Variants in PILRA observed in about 807,000 individuals in gnomAD.
PILRA encodes the protein paired immunoglobulin-like type 2 receptor alpha.
In PILRA, 37 loss-of-function variants were observed where a neutral mutation model predicts 33.1. The observed-to-expected ratio is 1.12, with a 90% CI of 0.86 to 1.47. The LOEUF (loss-of-function observed/expected upper bound fraction) is 1.47, where lower values mean the gene tolerates loss of function less well. Ranked by LOEUF, PILRA falls within the 40% of genes most tolerant of loss-of-function variation. The probability of loss-of-function intolerance (pLI) is 0.00; values close to 1 mark genes in which losing one functional copy is unlikely to be tolerated. For synonymous variants in PILRA, 146 were observed against 149.9 expected (o/e 0.97, Z 0.19); for missense variants, 312 against 376.2 (o/e 0.83, Z 1.41).
chr7:100,381,008 TGTAATCC>T (rs1345898102), intron 2 of PILRA, among the ~76,000 whole-genome samples: 1 of 150,924 alleles, frequency 6.6e-6, no homozygotes, highest in East Asian at 2.0e-4. Flanking sequence ...GGCTCACGCC[TGTAATCC>T]CAGCACTTTG....
chr7:100,379,215 C>T (rs1191210224), intron 2 of PILRA, among the ~76,000 whole-genome samples: 2 of 151,446 alleles, frequency 1.3e-5, no homozygotes, highest in South Asian at 2.1e-4. Flanking sequence ...ACCAGTTTGG[C>T]CAACATGGTG....
At chr7:100,377,092 A>G (rs985739031) in intron 2 of PILRA, among the ~76,000 whole-genome samples, 1 of 151,966 alleles carries the variant, frequency 6.6e-6, no homozygotes, top group African/African-American at 2.4e-5. Context: ...CTGAAGTACC[A>G]TCATGCTAAG....
At chr7:100,397,667 C>A (rs757574320) in intron 3 of PILRA, among the ~76,000 whole-genome samples, 3 of 152,064 alleles carry the variant, frequency 2.0e-5, no homozygotes, top group Admixed American at 1.3e-4. Context: ...GTGAAGGGGT[C>A]TCAGGAGGTG....
upstream of PILRA, among the ~76,000 whole-genome samples, chr7:100,372,073 G>C (rs1790828231): frequency 6.6e-6 from 1 of 152,158 alleles, no homozygotes; most frequent in South Asian, 2.1e-4. Context: ...ACCCTCTCGA[G>C]GCCCTGCCCA....
At chr7:100,380,877 A>C (rs541610722) in intron 2 of PILRA, among the ~76,000 whole-genome samples, 11 of 152,290 alleles carry the variant, frequency 7.2e-5, no homozygotes, top group Non-Finnish European at 5.9e-5. Context: ...AGGCTGAGGC[A>C]TAAGAATCAC....
intron 3 of PILRA, 56 bp downstream of exon 3, chr7:100,390,162 GC>G: frequency 1.4e-6 from 2 of 1,470,694 alleles, no homozygotes; most frequent in Non-Finnish European, 1.9e-6. Context: ...GTTTCTCAAA[GC>G]CCACCTGCAG....
intron 4 of PILRA, 70 bp downstream of exon 4, chr7:100,397,982 G>C (rs1791535197): frequency 3.4e-6 from 5 of 1,489,490 alleles, no homozygotes; most frequent in Non-Finnish European, 4.7e-6. Flanking sequence ...TTGGGAAACA[G>C]GGAGTGTGCT....
chr7:100,383,888 C>T (rs1189465830), intron 2 of PILRA, among the ~76,000 whole-genome samples: 5 of 152,138 alleles, frequency 3.3e-5, no homozygotes, highest in African/African-American at 1.2e-4. Flanking sequence ...CCGCCTGCCT[C>T]GGCCTCCCAA....
chr7:100,382,968 G>C (rs1253506497), intron 2 of PILRA, among the ~76,000 whole-genome samples: 1 of 152,236 alleles, frequency 6.6e-6, no homozygotes, highest in East Asian at 1.9e-4. Flanking sequence ...AAGTCAGTGA[G>C]ACTGAGCACT....
chr7:100,376,104 A>C (rs1790940506), intron 2 of PILRA: 1 of 152,140 alleles, frequency 6.6e-6, no homozygotes, highest in Non-Finnish European at 1.5e-5. Flanking sequence ...CCAGGGATAA[A>C]TTACTCTTCC....
chr7:100,393,138 T>C (rs1210646583), intron 3 of PILRA, among the ~76,000 whole-genome samples: 2 of 152,076 alleles, frequency 1.3e-5, no homozygotes, highest in Non-Finnish European at 2.9e-5. Context: ...AAATTAGCTG[T>C]GCATGGTGAT....
intron 2 of PILRA, among the ~76,000 whole-genome samples, chr7:100,378,249 G>A (rs958479180): frequency 2.0e-4 from 30 of 152,024 alleles, no homozygotes; most frequent in Admixed American, 1.8e-3. Context: ...CTACTCAGGA[G>A]GCTGAGACAG....
At chr7:100,377,389 C>T (rs1325518800) in intron 2 of PILRA, among the ~76,000 whole-genome samples, 5 of 151,468 alleles carry the variant, frequency 3.3e-5, no homozygotes, top group South Asian at 2.1e-4. Context: ...TACAGGTGCC[C>T]GCCACCGTGC....
At chr7:100,377,951 G>C (rs150369282) in intron 2 of PILRA, among the ~76,000 whole-genome samples, 128 of 152,234 alleles carry the variant, frequency 8.4e-4, no homozygotes, top group African/African-American at 2.9e-3. Flanking sequence ...CTGTTTCACT[G>C]ATCTGTCTTT....
At position 100,374,329 on chromosome 7, in the gene PILRA, A is replaced by T. The variant is rs747938446; in HGVS notation, c.350A>T (p.Lys117Met). ...SGFLRISNLQ[K>M]QDQSVYFCRV... Reference sequence around the variant, plus strand: ...TTCCTCAGGATCTCCAACCTGCAGAAGCAGGACCAGTCTGTGTATTTCTGC... The same window carrying T: ...TTCCTCAGGATCTCCAACCTGCAGATGCAGGACCAGTCTGTGTATTTCTGC... Residue 117 changes from lysine (K) to methionine (M), a missense_variant, in exon 2 of 7, where the codon AAG becomes ATG. Lys to Met is a moderately conservative substitution (Grantham distance 95). Transcript: ENST00000198536. 1.9e-6 allele frequency: 3 copies of T among 1,614,134 alleles called. No individual in the cohort carries two copies. In the South Asian group the frequency reaches 3.3e-5, roughly 18 times the overall value.
intron 2 of PILRA, 129 bp downstream of exon 2, chr7:100,374,562 A>C (rs1175431899): frequency 1.9e-6 from 2 of 1,073,518 alleles, no homozygotes. Flanking sequence ...TTTGGCCCCT[A>C]ACACTTCCTC....
At chr7:100,378,043 C>T (rs1790994617) in intron 2 of PILRA, among the ~76,000 whole-genome samples, 2 of 152,140 alleles carry the variant, frequency 1.3e-5, no homozygotes, top group South Asian at 2.1e-4. Context: ...AAACGTATTA[C>T]TCCTTCCTCA....
rs578151638 is a variant in PILRA at position 100,382,686 on chromosome 7, C to T, written c.455-7202C>T. 3.9e-5 allele frequency among the ~76,000 whole-genome samples: 6 copies of T among 152,308 alleles called. No homozygotes were observed. In the South Asian group the frequency reaches 6.2e-4, roughly 16 times the overall value. ...TGAGCAGTATCAACTGGCTCTGGTT[C>T]TCTTCTACGGTGTGGAAAGTTTCTT... On this transcript the variant is annotated intron_variant, in intron 2 of 6. Transcript: ENST00000198536.
At position 100,374,437 on chromosome 7, in the gene PILRA, A is replaced by G; in HGVS notation, c.454+4A>G. 1 of 1,613,832 alleles carries G rather than the reference A, an allele frequency of 6.2e-7. No homozygotes were observed. The highest frequency in any genetic ancestry group is 8.5e-7 in the Non-Finnish European group (1 of 1,179,968). ...ACCAAACTCTCCATCACCCAGGGTG[A>G]GTCCAGCTGCCCTGGCACCCGCTTT... On this transcript the variant is annotated splice_donor_region_variant and intron_variant, in intron 2 of 6. Coordinates refer to ENST00000198536, the MANE Select transcript of PILRA (RefSeq NM_013439.3).
Sources: gnomAD v4.1 joint callset for allele counts (sites outside exome capture counted in the v4.1 genomes callset) on GRCh38, gnomAD v4.1.1 for gene constraint, MANE v1.5 for transcripts, NCBI Gene and HGNC (gene_info 2026-07-23, HGNC 2026-07-21) for gene names.